PIGK: variants seen among roughly 807,000 people sequenced by gnomAD.
PIGK encodes phosphatidylinositol glycan anchor biosynthesis class K, also known as GPI-anchor transamidase.
PIGK carries 42 observed loss-of-function variants against 50.6 expected under a neutral mutation model. The ratio of observed to expected loss-of-function variants is 0.83; its 90% CI spans 0.65 to 1.07. The LOEUF (loss-of-function observed/expected upper bound fraction) is 1.07, where lower values mean the gene tolerates loss of function less well. Among genes scored for constraint, PIGK ranks in the 50% least tolerant of loss-of-function variants. PIGK has a pLI of 0.00. For synonymous variants in PIGK, 151 were observed against 156.0 expected, an observed-to-expected ratio of 0.97 and a Z score of 0.24; for missense variants, 448 against 488.7, an observed-to-expected ratio of 0.92 and a Z score of 0.78.
At chr1:77,215,595 G>C (rs544678812) in intron 1 of PIGK, among the ~76,000 whole-genome samples, 1 of 150,550 alleles carries the variant, frequency 6.6e-6, no homozygotes, top group South Asian at 2.1e-4. Flanking sequence ...AAGGAAACCA[G>C]TAGGCCAAAG....
At chr1:77,178,048 C>T (rs1045424672) in intron 3 of PIGK, among the ~76,000 whole-genome samples, 1 of 152,108 alleles carries the variant, frequency 6.6e-6, no homozygotes, top group African/African-American at 2.4e-5. Flanking sequence ...CTTGTTTATG[C>T]CTCTATGAAC....
At chr1:77,195,193 G>A (rs900505993) in intron 3 of PIGK, 25 of 1,189,408 alleles carry the variant, frequency 2.1e-5, no homozygotes, top group Admixed American at 1.7e-4. Flanking sequence ...GTTCTTAACC[G>A]TGGGCGATGA....
At chr1:77,118,342 G>A (rs937614942) in intron 10 of PIGK, among the ~76,000 whole-genome samples, 2 of 151,736 alleles carry the variant, frequency 1.3e-5, no homozygotes, top group Non-Finnish European at 2.9e-5. Context: ...TGGGCTCAGG[G>A]TATCCTCCTG....
In PIGK at chr1:77,090,434, C is replaced by A. The variant is rs1202231760; in HGVS notation, c.*1940G>T. On this transcript the variant is annotated 3_prime_UTR_variant, in exon 11 of 11. Coordinates refer to ENST00000370812, the MANE Select transcript of PIGK (RefSeq NM_005482.3). ...ATTCAATAATGAAACAGAGGAACAA[C>A]TGCCCTTTGAAATTCTGCTGAGGCA... is the stretch of plus-strand genomic sequence containing the variant. 2 of 152,202 alleles carry A rather than the reference C, an allele frequency of 1.3e-5. No individual in the cohort carries two copies. The highest frequency in any genetic ancestry group is 2.9e-5 in the Non-Finnish European group (2 of 68,040). The allele number at this position is 152,202 out of a possible 1,614,324, so 9.4% of individuals were successfully genotyped here. A position where few individuals can be genotyped will look rare whatever the true frequency, so the allele number is the denominator to read the frequency against.
At chr1:77,164,436 A>G (rs1487183722) in intron 5 of PIGK, among the ~76,000 whole-genome samples, 2 of 152,172 alleles carry the variant, frequency 1.3e-5, no homozygotes, top group African/African-American at 4.8e-5. Flanking sequence ...TCTATGCTTC[A>G]GTTTCCTCAG....
chr1:77,093,262 C>T (rs1375185707), intron 10 of PIGK, among the ~76,000 whole-genome samples: 4 of 151,968 alleles, frequency 2.6e-5, no homozygotes, highest in Non-Finnish European at 5.9e-5. Flanking sequence ...AATTTTTTAT[C>T]CCCCTTCTCT....
chr1:77,217,117 A>AT (rs1656586211), intron 1 of PIGK, among the ~76,000 whole-genome samples: 1 of 152,200 alleles, frequency 6.6e-6, no homozygotes, highest in Non-Finnish European at 1.5e-5. Context: ...CATCACACTC[A>AT]TTGGGCAACA....
At chr1:77,189,748 TACACACACAC>T (rs200985315) in intron 3 of PIGK, among the ~76,000 whole-genome samples, 628 of 53,842 alleles carry the variant, frequency 0.012, 19 homozygotes, top group African/African-American at 0.051. Flanking sequence ...TATATATATA[TACACACACAC>T]ACACACACAC....
intron 9 of PIGK, among the ~76,000 whole-genome samples, chr1:77,142,245 A>G (rs1022754171): frequency 2.6e-5 from 4 of 152,198 alleles, no homozygotes; most frequent in African/African-American, 9.7e-5. Flanking sequence ...AACACAAATC[A>G]AGCTATAGAA....
At chr1:77,129,489 C>T (rs546237493) in intron 9 of PIGK, 103 of 1,471,356 alleles carry the variant, frequency 7.0e-5, no homozygotes, top group East Asian at 2.5e-4. Flanking sequence ...ACCTAAGATG[C>T]GCCGCCGGAC....
chr1:77,119,872 G>A (rs1221689063), intron 10 of PIGK, among the ~76,000 whole-genome samples: 2 of 59,608 alleles, frequency 3.4e-5, no homozygotes, highest in African/African-American at 2.1e-4. Context: ...TTAAAAATAC[G>A]TTATCTATCC....
In PIGK at chr1:77,091,204, T is replaced by A. The variant is rs1255382094; in HGVS notation, c.*1170A>T. On this transcript the variant is annotated 3_prime_UTR_variant, in exon 11 of 11. Coordinates refer to ENST00000370812, the MANE Select transcript of PIGK (RefSeq NM_005482.3). ...CTTTTAGGCTTTTCCTCTACTCATA[T>A]GCAAAAGTTTGAAAAGAAAAAACAA... The A allele has an allele frequency of 6.6e-6, 1 of 152,172 alleles. No individual in the cohort carries two copies. The highest frequency in any genetic ancestry group is 6.5e-5 in the Admixed American group (1 of 15,274). The allele number at this position is 152,172 out of a possible 1,614,324, so 9.4% of individuals were successfully genotyped here. A position where few individuals can be genotyped will look rare whatever the true frequency, so the allele number is the denominator to read the frequency against.
At chr1:77,144,184 TA>T (rs1654716230) in intron 9 of PIGK, among the ~76,000 whole-genome samples, 1 of 152,002 alleles carries the variant, frequency 6.6e-6, no homozygotes, top group Non-Finnish European at 1.5e-5. Context: ...AGACAATAAG[TA>T]AGTCTGTTAA....
intron 1 of PIGK, among the ~76,000 whole-genome samples, chr1:77,212,588 C>T (rs1379412036): frequency 9.2e-5 from 14 of 151,974 alleles, no homozygotes; most frequent in East Asian, 1.9e-4. Context: ...CCTATAAACA[C>T]GCATAGACAA....
chr1:77,101,227 T>G (rs1469108895), intron 10 of PIGK, among the ~76,000 whole-genome samples: 1 of 152,220 alleles, frequency 6.6e-6, no homozygotes, highest in Non-Finnish European at 1.5e-5. Context: ...CTTAAAGTTA[T>G]GACATTACCT....
chr1:77,148,637 TGTG>T (rs1654823383), intron 9 of PIGK, among the ~76,000 whole-genome samples: 1 of 152,016 alleles, frequency 6.6e-6, no homozygotes, highest in Non-Finnish European at 1.5e-5. Context: ...AGGGAGTTAA[TGTG>T]CACAGGTTTT....
chr1:77,134,365 T>C (rs1275316340), intron 9 of PIGK, among the ~76,000 whole-genome samples: 1 of 152,240 alleles, frequency 6.6e-6, no homozygotes, highest in Non-Finnish European at 1.5e-5. Context: ...GTTTTTTGCT[T>C]AGTAATTTAG....
intron 9 of PIGK, among the ~76,000 whole-genome samples, chr1:77,140,824 A>T (rs1654633897): frequency 6.6e-6 from 1 of 152,200 alleles, no homozygotes. Context: ...AATATCACTT[A>T]TTTTTTAAAG....
intron 1 of PIGK, among the ~76,000 whole-genome samples, chr1:77,216,440 T>C (rs1656567534): frequency 6.6e-6 from 1 of 152,116 alleles, no homozygotes; most frequent in South Asian, 2.1e-4. Context: ...CCAATAGAGA[T>C]GGAAAAAACT....
Sources: gnomAD v4.1 joint callset for allele counts (sites outside exome capture counted in the v4.1 genomes callset) on GRCh38, gnomAD v4.1.1 for gene constraint, MANE v1.5 for transcripts, NCBI Gene and HGNC (gene_info 2026-07-23, HGNC 2026-07-21) for gene names.